Variants in PPP1R9A observed in about 807,000 individuals in gnomAD.
PPP1R9A encodes the protein neurabin-1.
In PPP1R9A, 59 loss-of-function variants were observed where a neutral mutation model predicts 141.9. That is an observed-to-expected ratio of 0.42 (90% CI 0.34 to 0.52). PPP1R9A has a LOEUF of 0.52. Among genes scored for constraint, PPP1R9A ranks in the 20% least tolerant of loss-of-function variants. The probability of loss-of-function intolerance (pLI) is 0.10; values close to 1 mark genes in which losing one functional copy is unlikely to be tolerated. For synonymous variants in PPP1R9A, 500 were observed against 569.7 expected (o/e 0.88, Z 1.74); for missense variants, 1,444 against 1,611.9 (o/e 0.90, Z 1.78).
chr7:95,019,958 C>T (rs1805669399), intron 2 of PPP1R9A, among the ~76,000 whole-genome samples: 1 of 152,066 alleles, frequency 6.6e-6, no homozygotes, highest in African/African-American at 2.4e-5. Flanking sequence ...ACCCAATATC[C>T]ATCAACAGGT....
intron 2 of PPP1R9A, among the ~76,000 whole-genome samples, chr7:95,095,155 C>T (rs1057013517): frequency 6.6e-6 from 1 of 152,058 alleles, no homozygotes; most frequent in Non-Finnish European, 1.5e-5. Flanking sequence ...AATCAGGAAC[C>T]CAGGTAGGAG....
chr7:95,163,716 G>A (rs568123420), intron 5 of PPP1R9A, among the ~76,000 whole-genome samples: 8 of 150,970 alleles, frequency 5.3e-5, no homozygotes, highest in Non-Finnish European at 8.8e-5. Context: ...ATGTGCAGGG[G>A]TTTTTTTTGT....
intron 2 of PPP1R9A, among the ~76,000 whole-genome samples, chr7:95,015,606 T>G (rs1422422052): frequency 2.0e-5 from 3 of 151,988 alleles, no homozygotes; most frequent in Non-Finnish European, 1.5e-5. Context: ...ATATCAAAAT[T>G]TATGATGTTA....
At chr7:95,202,722 G>T in intron 6 of PPP1R9A, 1 of 269,288 alleles carries the variant, frequency 3.7e-6, no homozygotes. Context: ...TAGCCTTTTA[G>T]TAGTGAGATG....
intron 8 of PPP1R9A, 72 bp from the exon 9 acceptor site, chr7:95,247,401 G>T (rs894751536): frequency 7.8e-7 from 1 of 1,279,056 alleles, no homozygotes; most frequent in African/African-American, 1.5e-5. Flanking sequence ...AGGCATTCTT[G>T]TAGCTGCTGA....
At position 95,148,506 on chromosome 7, in the gene PPP1R9A, C is replaced by T. The variant is rs544277841; in HGVS notation, c.1650-13361C>T. Among the ~76,000 whole-genome samples the T allele has an allele frequency of 7.9e-5, 12 of 151,864 alleles. No individual in the cohort carries two copies. The South Asian group carries it at 1.9e-3, about 24-fold the overall frequency. ...AAATCTGTCAAAACTTTACAAGAAT[C>T]GGCAATCTGAATAGGCCTATATCTA... is the stretch of plus-strand genomic sequence containing the variant. On this transcript the variant is annotated intron_variant, in intron 4 of 19. Transcript: ENST00000433360.
chr7:94,956,203 G>A (rs146260879), intron 2 of PPP1R9A, among the ~76,000 whole-genome samples: 258 of 152,122 alleles, frequency 1.7e-3, no homozygotes, highest in African/African-American at 5.9e-3. Context: ...CTAAAGTACC[G>A]GTGAGCATTT....
chr7:94,947,705 G>T (rs1175809596), intron 2 of PPP1R9A, among the ~76,000 whole-genome samples: 1 of 152,012 alleles, frequency 6.6e-6, no homozygotes, highest in African/African-American at 2.4e-5. Flanking sequence ...AGGCAGATTG[G>T]TGCTAATTTA....
intron 2 of PPP1R9A, among the ~76,000 whole-genome samples, chr7:94,933,980 A>G (rs1337596102): frequency 6.6e-6 from 1 of 152,200 alleles, no homozygotes; most frequent in African/African-American, 2.4e-5. Flanking sequence ...GTAAAGACGT[A>G]TGTTCTCAAT....
chr7:95,122,298 C>T (rs1196525959), intron 4 of PPP1R9A, among the ~76,000 whole-genome samples: 1 of 151,996 alleles, frequency 6.6e-6, no homozygotes, highest in Non-Finnish European at 1.5e-5. Flanking sequence ...AGGTGTGGAC[C>T]ACCACGCCCA....
At position 95,185,364 on chromosome 7, in the gene PPP1R9A, C is replaced by T. The variant is rs555324397; in HGVS notation, c.1755-12985C>T. On this transcript the variant is annotated intron_variant, in intron 5 of 19. Transcript: ENST00000433360. ...GAACTGTCTATTCATGTCCCTAGCC[C>T]ACTTTTTTATGGGATTTTTTTTTTG... is the stretch of plus-strand genomic sequence containing the variant. 2.4e-5 allele frequency among the ~76,000 whole-genome samples: 3 copies of T among 123,122 alleles called. No homozygotes were observed. The East Asian group carries it at 7.5e-4, about 31-fold the overall frequency. The allele number at this position is 123,122 out of a possible 152,430, so 80.8% of individuals were successfully genotyped here.
chr7:94,917,847 G>A (rs1199669280), intron 2 of PPP1R9A, among the ~76,000 whole-genome samples: 3 of 152,120 alleles, frequency 2.0e-5, no homozygotes, highest in Non-Finnish European at 4.4e-5. Context: ...TTATCCATGT[G>A]TCGTTTACCT....
chr7:95,206,391 A>G (rs1476245603), intron 7 of PPP1R9A, among the ~76,000 whole-genome samples: 2 of 152,154 alleles, frequency 1.3e-5, no homozygotes, highest in African/African-American at 4.8e-5. Context: ...ATAGAGTGAA[A>G]TGCACAGATC....
chr7:95,104,643 C>T (rs1005629751), intron 2 of PPP1R9A, among the ~76,000 whole-genome samples: 5 of 152,108 alleles, frequency 3.3e-5, no homozygotes, highest in Non-Finnish European at 7.3e-5. Flanking sequence ...AACATACTCC[C>T]GGGCACACAC....
chr7:95,245,881 G>T (rs946186507), intron 8 of PPP1R9A, among the ~76,000 whole-genome samples: 9 of 152,136 alleles, frequency 5.9e-5, no homozygotes, highest in Non-Finnish European at 1.3e-4. Context: ...GCCGGTGAGG[G>T]TGCAAGGAGC....
At chr7:94,971,866 A>G (rs1171134675) in intron 2 of PPP1R9A, among the ~76,000 whole-genome samples, 1 of 152,242 alleles carries the variant, frequency 6.6e-6, no homozygotes, top group African/African-American at 2.4e-5. Flanking sequence ...TGGTTAGGAT[A>G]TAAGAATTCT....
chr7:95,190,526 C>T (rs188254339), intron 5 of PPP1R9A, among the ~76,000 whole-genome samples: 13 of 152,306 alleles, frequency 8.5e-5, no homozygotes, highest in Non-Finnish European at 1.3e-4. Context: ...AAAGTTGTCA[C>T]GTGGACACAC....
At chr7:94,978,053 G>A (rs1799673489) in intron 2 of PPP1R9A, among the ~76,000 whole-genome samples, 1 of 152,176 alleles carries the variant, frequency 6.6e-6, no homozygotes, top group Non-Finnish European at 1.5e-5. Context: ...GAGCCACCAT[G>A]CCCGGCCCAT....
At chr7:95,043,428 G>T (rs1438084446) in intron 2 of PPP1R9A, among the ~76,000 whole-genome samples, 1 of 152,162 alleles carries the variant, frequency 6.6e-6, no homozygotes, top group East Asian at 1.9e-4. Flanking sequence ...GTTTTGTGTG[G>T]AGTCCTGATA....
Sources: gnomAD v4.1 joint callset for allele counts (sites outside exome capture counted in the v4.1 genomes callset) on GRCh38, gnomAD v4.1.1 for gene constraint, MANE v1.5 for transcripts, NCBI Gene and HGNC (gene_info 2026-07-23, HGNC 2026-07-21) for gene names.